The following SPAG9 variants were observed in gnomAD, a reference collection of about 807,000 sequenced individuals.
The protein encoded by SPAG9 is sperm associated antigen 9, also known as C-Jun-amino-terminal kinase-interacting protein 4.
Under a neutral mutation model 166.5 loss-of-function variants are expected in SPAG9, and 35 were observed. The ratio of observed to expected loss-of-function variants is 0.21; its 90% confidence interval spans 0.16 to 0.28. The LOEUF (loss-of-function observed/expected upper bound fraction) is 0.28, where lower values mean the gene tolerates loss of function less well. SPAG9 is among the 10% of genes least tolerant of loss of function. SPAG9 has a pLI of 1.00. For synonymous variants in SPAG9, 534 were observed against 565.5 expected (o/e 0.94, Z 0.79); for missense variants, 1,235 against 1,603.3 (o/e 0.77, Z 3.92).
At chr17:50,996,437 A>T (rs777910972) in intron 16 of SPAG9, 128 bp downstream of exon 16, 189 of 1,041,054 alleles carry the variant, frequency 1.8e-4, no homozygotes, top group Admixed American at 2.4e-4. Context: ...CCATGCTTAA[A>T]TGTGTGCCCA....
At chr17:50,975,539 T>C (rs1974148495) in intron 27 of SPAG9, among the ~76,000 whole-genome samples, 1 of 151,878 alleles carries the variant, frequency 6.6e-6, no homozygotes, top group African/African-American at 2.4e-5. Context: ...AGTAAGTAAA[T>C]GAAAGAAATA....
At chr17:50,971,710 T>C (rs1973831941) in intron 28 of SPAG9, among the ~76,000 whole-genome samples, 1 of 152,044 alleles carries the variant, frequency 6.6e-6, no homozygotes, top group African/African-American at 2.4e-5. Context: ...TCTGCCTGCC[T>C]CGGCCTCCCA....
chr17:51,066,807 G>A (rs998253547), intron 2 of SPAG9, among the ~76,000 whole-genome samples: 5 of 151,834 alleles, frequency 3.3e-5, no homozygotes, highest in East Asian at 3.9e-4. Flanking sequence ...CAGGGGAATC[G>A]CTTGAACCTG....
intron 29 of SPAG9, among the ~76,000 whole-genome samples, chr17:50,969,960 T>G (rs946398954): frequency 6.6e-6 from 1 of 152,242 alleles, no homozygotes; most frequent in Admixed American, 6.5e-5. Context: ...TTTGTCTGAT[T>G]TGTTTCTGTA....
intron 2 of SPAG9, among the ~76,000 whole-genome samples, chr17:51,056,951 G>C (rs2047378048): frequency 1.3e-5 from 2 of 152,028 alleles, no homozygotes; most frequent in Non-Finnish European, 2.9e-5. Context: ...TCTGCTGATG[G>C]GTTTTGTGAG....
rs1973228271 is a variant in SPAG9 at position 50,963,935 on chromosome 17, A to G, written c.*2337T>C. The G allele has an allele frequency of 6.6e-6, 1 of 152,230 alleles. No homozygotes were observed. The highest frequency in any genetic ancestry group is 1.5e-5 in the Non-Finnish European group (1 of 68,038). The allele number at this position is 152,230 out of a possible 1,614,324, so 9.4% of individuals were successfully genotyped here. ...GACTAAGTAGCTCAAGCAAAAAATT[A>G]TTCTTTTAATACAGCTTTTACCAAA... On this transcript the variant is annotated 3_prime_UTR_variant, in exon 30 of 30. Coordinates refer to ENST00000262013, the MANE Select transcript of SPAG9 (RefSeq NM_001130528.3).
intron 12 of SPAG9, among the ~76,000 whole-genome samples, chr17:51,002,972 C>T (rs2045026454): frequency 6.8e-6 from 1 of 147,730 alleles, no homozygotes; most frequent in Non-Finnish European, 1.5e-5. Flanking sequence ...GTCCCAGCTA[C>T]TCAGGAGGCT....
chr17:51,046,344 G>A (rs1037799098), intron 4 of SPAG9, among the ~76,000 whole-genome samples: 1 of 152,070 alleles, frequency 6.6e-6, no homozygotes. Context: ...CTAACTGATG[G>A]TCTATAAATT....
intron 1 of SPAG9, among the ~76,000 whole-genome samples, chr17:51,093,484 C>T (rs1039562805): frequency 6.6e-6 from 1 of 151,884 alleles, no homozygotes; most frequent in Admixed American, 6.6e-5. Flanking sequence ...GGGTGGATCA[C>T]AAAGTCAGGA....
intron 1 of SPAG9, among the ~76,000 whole-genome samples, chr17:51,095,158 G>A (rs371346547): frequency 1.0e-3 from 155 of 151,872 alleles, no homozygotes; most frequent in African/African-American, 3.4e-3. Context: ...TTAGCCGGGC[G>A]TGGTGGCGGG....
intron 2 of SPAG9, among the ~76,000 whole-genome samples, chr17:51,077,705 T>G (rs560876423): frequency 6.6e-6 from 1 of 151,938 alleles, no homozygotes; most frequent in Non-Finnish European, 1.5e-5. Flanking sequence ...GCCTGGAGTG[T>G]AGTGGTGCAA....
In SPAG9 at chr17:51,087,356, A is replaced by G. The variant is rs1271881963; in HGVS notation, c.304-7652T>C. 2.0e-5 allele frequency among the ~76,000 whole-genome samples: 3 copies of G among 152,226 alleles called. No individual in the cohort carries two copies. In the South Asian group the frequency reaches 6.2e-4, roughly 31 times the overall value. The stretch of plus-strand genomic sequence containing the variant: ...TATAAGAATTTATGAATGAGAAAAC[A>G]GGAATAGAAACAGAGACGGTGTCAT... On this transcript the variant is annotated intron_variant, in intron 1 of 29. Coordinates refer to ENST00000262013, the MANE Select transcript of SPAG9 (RefSeq NM_001130528.3).
At chr17:51,076,163 T>G (rs1199887168) in intron 2 of SPAG9, among the ~76,000 whole-genome samples, 1 of 151,804 alleles carries the variant, frequency 6.6e-6, no homozygotes, top group East Asian at 1.9e-4. Context: ...GGCTCATGCC[T>G]GTAATGCCAG....
At position 51,041,564 on chromosome 17, in the gene SPAG9, G is replaced by A. The variant is rs1198522811; in HGVS notation, c.678C>T (p.Thr226=). ...GAAATTTCCATTGCTCAGATCCAGG[G>A]GTCTCTCCTCCTTTCTGAGCATCAG... The part of the protein sequence containing the change: ...LTPDAQKGGE[T]PGSEQWKFQE... The change falls in exon 5 of 30, where the codon ACC becomes ACT. Residue 226 remains threonine, a synonymous_variant. Transcript: ENST00000262013. The A allele has an allele frequency of 1.9e-6, 3 of 1,613,762 alleles. No homozygotes were observed. The highest frequency in any genetic ancestry group is 3.3e-5 in the Admixed American group (2 of 59,988).
intron 1 of SPAG9, among the ~76,000 whole-genome samples, chr17:51,107,365 T>G (rs896814354): frequency 6.6e-6 from 1 of 151,138 alleles, no homozygotes; most frequent in South Asian, 2.1e-4. Context: ...CTGGGCAACA[T>G]AGTCTGACCC....
At chr17:51,004,763 A>G (rs918885283) in intron 12 of SPAG9, among the ~76,000 whole-genome samples, 2 of 152,224 alleles carry the variant, frequency 1.3e-5, no homozygotes, top group African/African-American at 4.8e-5. Context: ...TAAGGATATT[A>G]GCAAGAAGCT....
chr17:50,991,916 G>A (rs1266395351), intron 19 of SPAG9, among the ~76,000 whole-genome samples: 1 of 133,688 alleles, frequency 7.5e-6, no homozygotes, highest in Non-Finnish European at 1.6e-5. Flanking sequence ...AAGCCACCAT[G>A]CCAGGTCTTT....
Position 50,970,607 on chromosome 17 carries a change from C to T in SPAG9, c.3850+100G>A, listed in dbSNP as rs555881156. The T allele has an allele frequency of 3.0e-6, 3 of 989,142 alleles. No individual in the cohort carries two copies. In the African/African-American group the frequency reaches 4.9e-5, roughly 16 times the overall value. The allele number at this position is 989,142 out of a possible 1,614,324, so 61.3% of individuals were successfully genotyped here. The stretch of plus-strand genomic sequence containing the variant: ...CGTGTGTAAAGAGCTCAAAGAGAAC[C>T]TCTTATAAATCATTATCAGAGTGGT... On this transcript the variant is annotated intron_variant, in intron 29 of 29. Transcript: ENST00000262013.
intron 3 of SPAG9, among the ~76,000 whole-genome samples, chr17:51,055,023 C>T (rs2047323346): frequency 6.6e-6 from 1 of 152,054 alleles, no homozygotes; most frequent in African/African-American, 2.4e-5. Flanking sequence ...AAAGCAATGG[C>T]TAGTATTAAA....
Sources: allele counts gnomAD v4.1 joint callset (sites outside exome capture counted in the v4.1 genomes callset), GRCh38; gene constraint gnomAD v4.1.1; transcripts MANE v1.5; gene names NCBI Gene and HGNC (gene_info 2026-07-23, HGNC 2026-07-21).